The following SLC12A5 variants were observed in gnomAD, a reference collection of about 807,000 sequenced individuals.
SLC12A5 encodes solute carrier family 12 member 5.
Under a neutral mutation model 124.0 loss-of-function variants are expected in SLC12A5, and 18 were observed. The ratio of observed to expected loss-of-function variants is 0.15; its 90% CI spans 0.10 to 0.22. SLC12A5 has a LOEUF of 0.22. Among genes scored for constraint, SLC12A5 ranks in the 10% least tolerant of loss-of-function variants. The pLI is 1.00. For missense variants in SLC12A5, 867 were observed against 1,478.7 expected, an observed-to-expected ratio of 0.59 and a Z score of 6.78; for synonymous variants, 589 against 568.0, an observed-to-expected ratio of 1.04 and a Z score of -0.53.
intron 11 of SLC12A5, 90 bp downstream of exon 11, chr20:46,044,023 A>T (rs1258802669): frequency 6.7e-6 from 9 of 1,349,794 alleles, no homozygotes; most frequent in Non-Finnish European, 8.0e-6. Flanking sequence ...AGGTGCTGGG[A>T]CCTGTGTGAG....
intron 3 of SLC12A5, 59 bp downstream of exon 3, chr20:46,035,594 A>C: frequency 1.1e-5 from 6 of 530,222 alleles, no homozygotes; most frequent in Non-Finnish European, 2.1e-5. Flanking sequence ...GTGGGGGAGG[A>C]TGGGGGAGGA....
intron 6 of SLC12A5, among the ~76,000 whole-genome samples, chr20:46,038,668 ACATAT>A (rs2084518751): frequency 6.6e-6 from 1 of 152,260 alleles, no homozygotes; most frequent in African/African-American, 2.4e-5. Flanking sequence ...ACAATAGTTA[ACATAT>A]GGTAGGTCCA....
At chr20:46,036,528 G>T in intron 4 of SLC12A5, 1 of 463,150 alleles carries the variant, frequency 2.2e-6, no homozygotes, top group Admixed American at 3.2e-5. Flanking sequence ...TGATGCTGTG[G>T]CTTGCTTGGG....
At chr20:46,054,811 G>A (rs770229249) in intron 20 of SLC12A5, 105 bp from the exon 21 acceptor site, 28 of 750,568 alleles carry the variant, frequency 3.7e-5, no homozygotes, top group Non-Finnish European at 5.2e-5. Context: ...CCAGAAGGAC[G>A]GGGGCCTTCC....
chr20:46,057,936 C>T lies in SLC12A5; in HGVS notation c.*331C>T. 4.0e-6 allele frequency: 1 copy of T among 247,624 alleles called. No homozygotes were observed. The allele number at this position is 247,624 out of a possible 1,614,324, so 15.3% of individuals were successfully genotyped here. On this transcript the variant is annotated 3_prime_UTR_variant, in exon 26 of 26. Transcript: ENST00000243964. The surrounding 1 kb of genome is among the most constrained non-coding windows in gnomAD (Gnocchi z 7.1). ...GAGAGGAGCTGGGGCCTTGGGGACC[C>T]CCAGGTAGTCCATGCGGCCCATTCC...
chr20:46,029,095 C>A, upstream of SLC12A5: 1 of 1,322,772 alleles, frequency 7.6e-7, no homozygotes, highest in Non-Finnish European at 9.6e-7. Context: ...CCCAAAACCC[C>A]GCCAGTGGCT....
At chr20:46,022,577 A>C in intron 1 of SLC12A5, 1 of 350,486 alleles carries the variant, frequency 2.9e-6, no homozygotes. Flanking sequence ...GGAGGCAGGG[A>C]AGTTAGTATG....
chr20:46,041,221 T>G, intron 7 of SLC12A5, 108 bp from the exon 8 acceptor site: 14 of 870,472 alleles, frequency 1.6e-5, no homozygotes, highest in Non-Finnish European at 2.3e-5. Context: ...GAACTCTGGA[T>G]ATGGGGACCT....
In SLC12A5 at chr20:46,035,005, G is replaced by C. The variant is rs997875786; in HGVS notation, c.110G>C (p.Gly37Ala). ...ATCAACAGCACCGACACAGAGAAGG[G>C]AAAGGAGTATGATGGCAAGAACATG... Reference protein sequence around the residue: ...PFINSTDTEKGKEYDGKNMAL... With the variant: ...PFINSTDTEKAKEYDGKNMAL... Residue 37 changes from glycine (G) to alanine (A), a missense_variant, in exon 2 of 26, where the codon GGA becomes GCA. Gly to Ala is a moderately conservative substitution (Grantham distance 60). This residue lies in a region of SLC12A5 where 58 missense variants were observed against 52.2 expected (regional missense o/e 1.11). Coordinates refer to ENST00000243964, the MANE Select transcript of SLC12A5 (RefSeq NM_020708.5). The C allele has an allele frequency of 1.2e-6, 2 of 1,614,042 alleles. No individual in the cohort carries two copies. The highest frequency in any genetic ancestry group is 1.3e-5 in the African/African-American group (1 of 75,000).
intron 8 of SLC12A5, among the ~76,000 whole-genome samples, chr20:46,042,761 G>A (rs2084559110): frequency 1.3e-5 from 2 of 152,040 alleles, no homozygotes; most frequent in Non-Finnish European, 2.9e-5. Context: ...GGGAGAGGGA[G>A]CAGTGTAGGG....
rs548232296 is a variant in SLC12A5, at chr20:46,057,780, G to T, written c.*175G>T. 2.9e-4 allele frequency: 165 copies of T among 573,782 alleles called. No homozygotes were observed. The highest frequency in any genetic ancestry group is 2.7e-3 in the African/African-American group (138 of 50,588). The allele number at this position is 573,782 out of a possible 1,614,324, so 35.5% of individuals were successfully genotyped here. ...CTGTTGGGGCTGATTCGGAGAGGGC[G>T]CCCCGCCGCGCAGAGACCAGAGCTC... On this transcript the variant is annotated 3_prime_UTR_variant, in exon 26 of 26. Coordinates refer to ENST00000243964, the MANE Select transcript of SLC12A5 (RefSeq NM_020708.5). The surrounding 1 kb of genome is among the most constrained non-coding windows in gnomAD (Gnocchi z 7.1).
upstream of SLC12A5, chr20:46,029,087 C>G (rs530687989): frequency 1.2e-5 from 16 of 1,317,734 alleles, no homozygotes; most frequent in Admixed American, 4.1e-4. Flanking sequence ...GCTCTCCCCC[C>G]AAAACCCCGC....
Position 46,057,489 on chromosome 20 carries a change from G to T in SLC12A5, c.3260-25G>T, listed in dbSNP as rs376674687. 1.9e-6 allele frequency: 3 copies of T among 1,611,576 alleles called. No individual in the cohort carries two copies. The highest frequency in any genetic ancestry group is 2.2e-5 in the East Asian group (1 of 44,834). On this transcript the variant is annotated intron_variant, in intron 25 of 25. Coordinates refer to ENST00000243964, the MANE Select transcript of SLC12A5 (RefSeq NM_020708.5). This position sits in a 1 kb window ranked among gnomAD's most constrained non-coding sequence, Gnocchi z 7.1. ...TTTCGTCGGGAGGGAAGGAGACCGG[G>T]TCTTTCTCCTTGACCGGCTCTCAGA...
chr20:46,059,200 C>A lies in SLC12A5; in HGVS notation c.*1595C>A. 4.4e-6 allele frequency: 1 copy of A among 228,636 alleles called. No individual in the cohort carries two copies. Among genetic ancestry groups the A allele is most frequent in the Non-Finnish European group, 8.4e-6 (1 of 118,910 alleles). The allele number at this position is 228,636 out of a possible 1,614,324, so 14.2% of individuals were successfully genotyped here. On this transcript the variant is annotated 3_prime_UTR_variant, in exon 26 of 26. Coordinates refer to ENST00000243964, the MANE Select transcript of SLC12A5 (RefSeq NM_020708.5). ...CCTCCAGCCCCAGGGCCCTGACCTG[C>A]GCACCTAGCTTGACATCTCACGCAC...
chr20:46,045,722 C>G lies in SLC12A5; in HGVS notation c.1570-156C>G, dbSNP rs1272359515. On this transcript the variant is annotated intron_variant, in intron 12 of 25. Transcript: ENST00000243964. The surrounding 1 kb of genome is among the most constrained non-coding windows in gnomAD (Gnocchi z 4.9). ...GCAAGATGCAGCGAAAGCCTGTTATCCATTTGCATTCTCCTGGAGGAAGAG... is the reference window on the plus strand; with the variant it reads ...GCAAGATGCAGCGAAAGCCTGTTATGCATTTGCATTCTCCTGGAGGAAGAG... Among the ~76,000 whole-genome samples, 2 of 152,170 alleles carry G rather than the reference C, an allele frequency of 1.3e-5. No individual in the cohort carries two copies. Among genetic ancestry groups the G allele is most frequent in the Non-Finnish European group, 2.9e-5 (2 of 68,036 alleles).
At chr20:46,048,651 A>G (rs1245378290) in intron 16 of SLC12A5, among the ~76,000 whole-genome samples, 1 of 152,136 alleles carries the variant, frequency 6.6e-6, no homozygotes, top group African/African-American at 2.4e-5. Context: ...CAGGTGGATC[A>G]CTTGAGGCCA....
upstream of SLC12A5, among the ~76,000 whole-genome samples, chr20:46,024,639 G>A (rs1255740915): frequency 1.3e-5 from 2 of 152,196 alleles, no homozygotes; most frequent in African/African-American, 4.8e-5. Flanking sequence ...AAATGAGTGG[G>A]GTTTGCCACT....
At chr20:46,029,160 G>A (rs1283812575), upstream of SLC12A5, 2 of 1,406,310 alleles carry the variant, frequency 1.4e-6, no homozygotes, top group East Asian at 2.8e-5. Flanking sequence ...GAGGGGGCGC[G>A]CGCGGGTGTG....
rs2084709752 is a variant in SLC12A5 at position 46,057,674 on chromosome 20, C to T, written c.*69C>T. ...GCTCCGGAGCCCTCGCCGCGCCCCC[C>T]GCCGCTGTCACCGTTTACATACAGA... On this transcript the variant is annotated 3_prime_UTR_variant, in exon 26 of 26. Coordinates refer to ENST00000243964, the MANE Select transcript of SLC12A5 (RefSeq NM_020708.5). This position sits in a 1 kb window ranked among gnomAD's most constrained non-coding sequence, Gnocchi z 7.1. 2 of 1,218,024 alleles carry T rather than the reference C, an allele frequency of 1.6e-6. No individual in the cohort carries two copies. Among genetic ancestry groups the T allele is most frequent in the Non-Finnish European group, 2.3e-6 (2 of 870,000 alleles). The allele number at this position is 1,218,024 out of a possible 1,614,324, so 75.5% of individuals were successfully genotyped here.
Sources: allele counts gnomAD v4.1 joint callset (sites outside exome capture counted in the v4.1 genomes callset), GRCh38; gene constraint gnomAD v4.1.1; regional missense constraint gnomAD v4.1.1; non-coding constraint Gnocchi (gnomAD v3.1); transcripts MANE v1.5; gene names NCBI Gene and HGNC (gene_info 2026-07-23, HGNC 2026-07-21).